CAP2: variants seen among roughly 807,000 people sequenced by gnomAD.
CAP2 encodes the protein cyclase associated actin cytoskeleton regulatory protein 2, also known as adenylyl cyclase-associated protein 2.
A neutral mutation model predicts 57.7 loss-of-function variants in CAP2; 24 were observed. That is an observed-to-expected ratio of 0.42 (90% CI 0.30 to 0.58). The LOEUF (loss-of-function observed/expected upper bound fraction) is 0.58, where lower values mean the gene tolerates loss of function less well. CAP2 is among the 20% of genes least tolerant of loss of function. The pLI is 0.22. For missense variants in CAP2, 501 were observed against 590.3 expected (o/e 0.85, Z 1.57); for synonymous variants, 194 against 207.2 (o/e 0.94, Z 0.55).
chr6:17,550,943 T>C (rs1323807687), intron 11 of CAP2, among the ~76,000 whole-genome samples: 2 of 152,188 alleles, frequency 1.3e-5, no homozygotes, highest in Non-Finnish European at 2.9e-5. Flanking sequence ...AAAGGACTTA[T>C]GTGAAAAGAA....
intron 4 of CAP2, among the ~76,000 whole-genome samples, chr6:17,496,728 T>C (rs560885117): frequency 9.2e-5 from 14 of 152,338 alleles, no homozygotes; most frequent in African/African-American, 2.9e-4. Context: ...TAAGTATCAG[T>C]GGCTCGGTAC....
In CAP2 at chr6:17,547,648, T is replaced by A. The variant is rs189402965; in HGVS notation, c.1210-3816T>A. ...CGAGGTCCGGAGATTGAGACCATCCTGGCTAACACAGTGAAACCCTGTCTC... is the reference window on the plus strand; with the variant it reads ...CGAGGTCCGGAGATTGAGACCATCCAGGCTAACACAGTGAAACCCTGTCTC... On this transcript the variant is annotated intron_variant, in intron 11 of 12. Coordinates refer to ENST00000229922, the MANE Select transcript of CAP2 (RefSeq NM_006366.3). Among the ~76,000 whole-genome samples the A allele has an allele frequency of 2.6e-5, 4 of 152,164 alleles. No individual in the cohort carries two copies. In the South Asian group the frequency reaches 6.2e-4, roughly 24 times the overall value.
intron 4 of CAP2, 41 bp downstream of exon 4, chr6:17,463,114 C>G (rs763452857): frequency 7.1e-7 from 1 of 1,410,724 alleles, no homozygotes; most frequent in Non-Finnish European, 1.0e-6. Flanking sequence ...CCAGGGTATG[C>G]GCAGTGTAAG....
At chr6:17,535,488 T>C (rs1470917472) in intron 7 of CAP2, among the ~76,000 whole-genome samples, 11 of 152,096 alleles carry the variant, frequency 7.2e-5, no homozygotes, top group Non-Finnish European at 2.9e-5. Context: ...TTGGTCAGGC[T>C]GGTCTTGAAC....
intron 3 of CAP2, among the ~76,000 whole-genome samples, chr6:17,460,336 A>C (rs1471795615): frequency 6.6e-6 from 1 of 152,258 alleles, no homozygotes; most frequent in African/African-American, 2.4e-5. Context: ...CCAGTTAAAA[A>C]AAAATAAAAT....
chr6:17,542,995 T>C (rs374169218), intron 10 of CAP2, 35 bp downstream of exon 10: 24 of 1,612,952 alleles, frequency 1.5e-5, no homozygotes, highest in Non-Finnish European at 2.0e-5. Flanking sequence ...GTTATTATGA[T>C]GTTTTATAAA....
At chr6:17,469,956 A>G (rs1489802535) in intron 4 of CAP2, among the ~76,000 whole-genome samples, 1 of 152,212 alleles carries the variant, frequency 6.6e-6, no homozygotes, top group African/African-American at 2.4e-5. Flanking sequence ...GACTTAAGCT[A>G]ATTATTTAGA....
intron 4 of CAP2, among the ~76,000 whole-genome samples, chr6:17,489,584 A>C (rs1400297268): frequency 2.0e-5 from 3 of 152,136 alleles, no homozygotes; most frequent in Non-Finnish European, 2.9e-5. Context: ...CACAGTTGGC[A>C]TTACCCAGTG....
chr6:17,444,844 A>AC (rs1491333807), intron 3 of CAP2, among the ~76,000 whole-genome samples: 53 of 134,992 alleles, frequency 3.9e-4, no homozygotes, highest in African/African-American at 6.6e-4. Flanking sequence ...ACACACACAC[A>AC]ACACGAGTCC....
intron 7 of CAP2, among the ~76,000 whole-genome samples, chr6:17,525,403 A>G (rs1762480190): frequency 6.6e-6 from 1 of 151,546 alleles, no homozygotes; most frequent in Non-Finnish European, 1.5e-5. Flanking sequence ...CGGAGGCTGC[A>G]GTGAGCGTAG....
intron 11 of CAP2, among the ~76,000 whole-genome samples, chr6:17,549,151 TA>T (rs1203550935): frequency 2.8e-4 from 43 of 152,164 alleles, no homozygotes; most frequent in Admixed American, 7.2e-4. Context: ...ATCTAGAATT[TA>T]TAAAGAACTT....
chr6:17,396,057 A>G (rs1226864198), intron 1 of CAP2, among the ~76,000 whole-genome samples: 7 of 152,202 alleles, frequency 4.6e-5, no homozygotes, highest in Non-Finnish European at 1.0e-4. Context: ...AAAGATACTC[A>G]ACATCATTAT....
chr6:17,485,776 C>T (rs756468623), intron 4 of CAP2, among the ~76,000 whole-genome samples: 11 of 152,184 alleles, frequency 7.2e-5, no homozygotes, highest in Admixed American at 5.9e-4. Context: ...TTGTTAGGAA[C>T]GAGAGATGCA....
intron 3 of CAP2, among the ~76,000 whole-genome samples, chr6:17,454,409 A>G (rs1235717419): frequency 6.6e-6 from 1 of 152,208 alleles, no homozygotes; most frequent in Non-Finnish European, 1.5e-5. Flanking sequence ...TAAAAACATA[A>G]GTGTCCAGGC....
chr6:17,535,525 C>T (rs564045335), intron 7 of CAP2, among the ~76,000 whole-genome samples: 2 of 151,892 alleles, frequency 1.3e-5, no homozygotes, highest in East Asian at 1.9e-4. Flanking sequence ...TCTTCTGCCT[C>T]GGCCTCCCAA....
intron 1 of CAP2, among the ~76,000 whole-genome samples, chr6:17,406,394 A>ATTTTTTTTTTTTTTTTT (rs1335180213): frequency 9.2e-4 from 85 of 91,892 alleles, no homozygotes; most frequent in Non-Finnish European, 1.3e-3. Flanking sequence ...GTAAGCCCAG[A>ATTTTTTTTTTTTTTTTT]TTTCTTTTTT....
intron 1 of CAP2, among the ~76,000 whole-genome samples, chr6:17,397,935 A>G (rs1164975140): frequency 6.6e-6 from 1 of 152,088 alleles, no homozygotes; most frequent in African/African-American, 2.4e-5. Flanking sequence ...AAAAAAAAAA[A>G]AAGAAAACCT....
intron 7 of CAP2, among the ~76,000 whole-genome samples, chr6:17,519,207 C>G (rs1404110104): frequency 2.0e-5 from 3 of 152,150 alleles, no homozygotes; most frequent in African/African-American, 7.2e-5. Flanking sequence ...AGCTGAAAGT[C>G]CCTGATCCCA....
chr6:17,507,870 G>T, intron 6 of CAP2, 144 bp downstream of exon 6: 1 of 512,562 alleles, frequency 2.0e-6, no homozygotes. Flanking sequence ...TCTAATCTTT[G>T]CAGATAAAGT....
Sources: gnomAD v4.1 joint callset for allele counts (sites outside exome capture counted in the v4.1 genomes callset) on GRCh38, gnomAD v4.1.1 for gene constraint, MANE v1.5 for transcripts, NCBI Gene and HGNC (gene_info 2026-07-23, HGNC 2026-07-21) for gene names.